The following SLC5A2 variants were observed in gnomAD, a reference collection of about 807,000 sequenced individuals.
The protein encoded by SLC5A2 is solute carrier family 5 member 2.
Under a neutral mutation model 69.0 loss-of-function variants are expected in SLC5A2, and 67 were observed. The observed-to-expected ratio is 0.97, with a 90% confidence interval of 0.80 to 1.19. The LOEUF (loss-of-function observed/expected upper bound fraction) is 1.19, where lower values mean the gene tolerates loss of function less well. SLC5A2 is among the 50% of genes most tolerant of loss of function. SLC5A2 has a pLI of 0.00. For synonymous variants in SLC5A2, 455 were observed against 395.8 expected, an observed-to-expected ratio of 1.15 and a Z score of -1.78; for missense variants, 1,001 against 921.5, an observed-to-expected ratio of 1.09 and a Z score of -1.12.
At chr16:31,485,104 G>A (rs2082485491) in intron 3 of SLC5A2, 181 bp downstream of exon 3, 3 of 692,290 alleles carry the variant, frequency 4.3e-6, no homozygotes, top group Admixed American at 2.0e-5. Context: ...GTGCAGGGGT[G>A]ACCACTGTTG....
Position 31,490,201 on chromosome 16 carries a change from G to C in SLC5A2, c.1763G>C (p.Gly588Ala). 6.2e-7 allele frequency: 1 copy of C among 1,614,184 alleles called. No homozygotes were observed. Among genetic ancestry groups the C allele is most frequent in the Non-Finnish European group, 8.5e-7 (1 of 1,180,032 alleles). ...GGCTCCTCACTCCCTGTACAGAATG[G>C]GTGCCCAGAGAGTGCCATGGAGATG... ...QQGSSLPVQN[G>A]CPESAMEMNE... Residue 588 changes from glycine (G) to alanine (A), a missense_variant, in exon 13 of 14, where the codon GGG becomes GCG. Transcript: ENST00000330498.
chr16:31,489,299 C>G lies in SLC5A2; in HGVS notation c.1626C>G (p.Leu542=), dbSNP rs75646778. ...TCTTCTGCTCTGGCCTCCTCACCCTCACGGTCTCCCTGTGCACCGCGCCCA... is the reference window on the plus strand; with the variant it reads ...TCTTCTGCTCTGGCCTCCTCACCCTGACGGTCTCCCTGTGCACCGCGCCCA... ...VLFFCSGLLT[L]TVSLCTAPIP... is the part of the protein sequence containing the mutation. Residue 542 remains leucine, a synonymous_variant, in exon 12 of 14, where the codon CTC becomes CTG. Coordinates refer to ENST00000330498, the MANE Select transcript of SLC5A2 (RefSeq NM_003041.4). The G allele has an allele frequency of 1.1e-3, 1,816 of 1,610,448 alleles. 24 individuals carry two copies. The African/African-American group carries it at 0.022, about 19-fold the overall frequency.
intron 12 of SLC5A2, 86 bp downstream of exon 12, chr16:31,489,424 A>C: frequency 1.6e-6 from 2 of 1,232,804 alleles, no homozygotes; most frequent in Non-Finnish European, 1.2e-6. Context: ...GAGGACCTGA[A>C]TTTCTCGACT....
rs767984664 is a variant in SLC5A2, at chr16:31,484,676, A to G, written c.130A>G (p.Met44Val). 1.2e-5 allele frequency: 19 copies of G among 1,607,536 alleles called. No homozygotes were observed. Among genetic ancestry groups the G allele is most frequent in the Non-Finnish European group, 1.5e-5 (18 of 1,180,004 alleles). The change falls in exon 2 of 14, where the codon ATG becomes GTG. Residue 44 changes from methionine (M) to valine (V), a missense_variant. Transcript: ENST00000330498. ...LLVIGVGLWS[M>V]CRTNRGTVGG... ...CTCCCCCGCCTCTGTCTCCCAGTCC[A>G]TGTGCAGAACCAACAGAGGCACTGT...
rs977870852 is a variant in SLC5A2 at position 31,484,271 on chromosome 16, A to C, written c.127-402A>C. On this transcript the variant is annotated intron_variant, in intron 1 of 13. Transcript: ENST00000330498. Reference sequence around the variant, plus strand: ...ACACACACACACGCACACACACACAAAAAGCTGGGTATAGTGGCGTGTGCC... The same window carrying C: ...ACACACACACACGCACACACACACACAAAGCTGGGTATAGTGGCGTGTGCC... Among the ~76,000 whole-genome samples, 5 of 149,848 alleles carry C rather than the reference A, an allele frequency of 3.3e-5. No homozygotes were observed. The South Asian group carries it at 6.3e-4, about 19-fold the overall frequency.
Position 31,488,755 on chromosome 16 carries a change from G to A in SLC5A2, c.1263G>A (p.Glu421=), listed in dbSNP as rs767162279. 2 of 1,604,140 alleles carry A rather than the reference G, an allele frequency of 1.2e-6. No individual in the cohort carries two copies. The highest frequency in any genetic ancestry group is 1.7e-6 in the Non-Finnish European group (2 of 1,177,462). The part of the protein sequence containing the change: ...TRLRPRAGDR[E]LLLVGRLWVV... ...TGCGGCCACGCGCCGGCGACCGCGA[G>A]CTGCTGCTGGTGGGACGGTGCGGCC... Residue 421 remains glutamate (E), a synonymous_variant, in exon 10 of 14, where the codon GAG becomes GAA. Transcript: ENST00000330498.
intron 7 of SLC5A2, 45 bp downstream of exon 7, chr16:31,487,804 G>T: frequency 6.5e-7 from 1 of 1,540,932 alleles, no homozygotes; most frequent in Non-Finnish European, 8.8e-7. Context: ...GGGCGGAGCC[G>T]AGACGGGCGG....
At chr16:31,487,984 G>T (rs1428238226) in intron 7 of SLC5A2, 54 bp from the exon 8 acceptor site, 13 of 1,603,086 alleles carry the variant, frequency 8.1e-6, no homozygotes, top group East Asian at 2.2e-5. Context: ...AACGGGGCGC[G>T]GGGCGGGGCC....
chr16:31,489,457 G>T (rs531611356), intron 12 of SLC5A2, 119 bp downstream of exon 12: 4 of 888,770 alleles, frequency 4.5e-6, no homozygotes, highest in Non-Finnish European at 7.1e-6. Flanking sequence ...TGGGCTGGGG[G>T]TCCAGCTGCA....
rs774724978 is a variant in SLC5A2, at chr16:31,488,605, C to A, written c.1130-17C>A. 18 of 1,609,242 alleles carry A rather than the reference C, an allele frequency of 1.1e-5. No individual in the cohort carries two copies. Among genetic ancestry groups the A allele is most frequent in the East Asian group, 2.2e-5 (1 of 44,812 alleles). On this transcript the variant is annotated splice_polypyrimidine_tract_variant and intron_variant, in intron 9 of 13. Transcript: ENST00000330498. ...ACCCCCAGTGGCCCCAGCCTCACGG[C>A]TGCCGTCGGCCCGCAGGTCTGCGCG...
intron 12 of SLC5A2, 138 bp from the exon 13 acceptor site, chr16:31,489,966 T>G: frequency 5.2e-5 from 59 of 1,134,852 alleles, no homozygotes; most frequent in Non-Finnish European, 6.3e-5. Context: ...GGAGTTGGCA[T>G]GAGTTAAGCC....
At chr16:31,489,436 A>C in intron 12 of SLC5A2, 98 bp downstream of exon 12, 1 of 1,117,794 alleles carries the variant, frequency 8.9e-7, no homozygotes, top group Non-Finnish European at 1.3e-6. Context: ...TTCTCGACTG[A>C]GGGTTGGGAA....
rs376135738 is a variant in SLC5A2, at chr16:31,486,232, C to T, written c.531C>T (p.Ser177=). 2.0e-4 allele frequency: 324 copies of T among 1,613,930 alleles called. 1 individual carries two copies. The South Asian group carries it at 2.3e-3, about 12-fold the overall frequency. Residue 177 remains serine, a synonymous_variant, in exon 5 of 14, where the codon TCC becomes TCT. Transcript: ENST00000330498. The part of the protein sequence containing the change: ...QQALGWNIYA[S]VIALLGITMI... ...CTCTGGGCTGGAACATCTATGCCTC[C>T]GTCATCGCGCTTCTGGGCATCACCA...
Position 31,489,239 on chromosome 16 carries a change from C to A in SLC5A2, c.1566C>A (p.Cys522Ter), listed in dbSNP as rs199795513. ...VQPSACPAFL[C>*]GVHYLYFAIV... ...CCTCGGCGTGCCCAGCTTTCCTCTG[C>A]GGCGTGCACTACCTCTACTTCGCCA... Residue 522 changes from cysteine (C) to a stop codon, truncating the protein, a stop_gained, in exon 12 of 14, where the codon TGC becomes TGA. Transcript: ENST00000330498. LOFTEE classifies it high-confidence loss of function. The A allele has an allele frequency of 2.5e-5, 41 of 1,610,300 alleles. No individual in the cohort carries two copies. The highest frequency in any genetic ancestry group is 4.0e-5 in the African/African-American group (3 of 74,928).
Position 31,484,677 on chromosome 16 carries a change from T to C in SLC5A2, c.131T>C (p.Met44Thr). ...LLVIGVGLWS[M>T]CRTNRGTVGG... ...TCCCCCGCCTCTGTCTCCCAGTCCA[T>C]GTGCAGAACCAACAGAGGCACTGTG... Residue 44 changes from methionine (M) to threonine (T), a missense_variant, in exon 2 of 14, where the codon ATG becomes ACG. Physicochemically the swap from Met to Thr is moderately conservative, Grantham distance 81. Coordinates refer to ENST00000330498, the MANE Select transcript of SLC5A2 (RefSeq NM_003041.4). 1 of 1,607,732 alleles carries C rather than the reference T, an allele frequency of 6.2e-7. No homozygotes were observed. The highest frequency in any genetic ancestry group is 1.1e-5 in the South Asian group (1 of 91,086).
chr16:31,487,152 G>A (rs1461067450), intron 5 of SLC5A2, among the ~76,000 whole-genome samples, 168 bp from the exon 6 acceptor site: 1 of 152,234 alleles, frequency 6.6e-6, no homozygotes, highest in Admixed American at 6.5e-5. Context: ...TGCCCGCCAA[G>A]CCCTGCTTGT....
intron 3 of SLC5A2, 43 bp downstream of exon 3, chr16:31,484,966 C>A: frequency 6.5e-7 from 1 of 1,541,496 alleles, no homozygotes; most frequent in Non-Finnish European, 8.9e-7. Flanking sequence ...TCAGTGAGAA[C>A]ACCTGGAAGG....
At chr16:31,490,081 G>T (rs532838657) in intron 12 of SLC5A2, 23 bp from the exon 13 acceptor site, 2 of 1,612,922 alleles carry the variant, frequency 1.2e-6, no homozygotes, top group African/African-American at 2.7e-5. Context: ...CTCCCACCTC[G>T]TTCGTGCTCC....
intron 6 of SLC5A2, 53 bp from the exon 7 acceptor site, chr16:31,487,477 C>T (rs1257032799): frequency 6.2e-7 from 1 of 1,609,972 alleles, no homozygotes. Context: ...GGCCGTTGCG[C>T]GTCTCCGGTC....
Sources: allele counts gnomAD v4.1 joint callset (sites outside exome capture counted in the v4.1 genomes callset), GRCh38; gene constraint gnomAD v4.1.1; transcripts MANE v1.5; gene names NCBI Gene and HGNC (gene_info 2026-07-23, HGNC 2026-07-21).